Variants in CSMD3 observed in about 807,000 individuals in gnomAD.
CSMD3 encodes the protein CUB and sushi domain-containing protein 3.
In CSMD3, 177 loss-of-function variants were observed where a neutral mutation model predicts 435.2. The observed-to-expected ratio is 0.41, with a 90% CI of 0.36 to 0.46. CSMD3 has a LOEUF of 0.46. Ranked by LOEUF, CSMD3 falls within the 20% of genes least tolerant of loss-of-function variation. The pLI, the probability that CSMD3 is intolerant of heterozygous loss-of-function variation, is 0.34. For synonymous variants in CSMD3, 1,656 were observed against 1,520.5 expected (o/e 1.09, Z -2.07); for missense variants, 4,265 against 4,504.6 (o/e 0.95, Z 1.52).
chr8:112,903,721 C>T (rs559140803), intron 10 of CSMD3, among the ~76,000 whole-genome samples: 10 of 151,350 alleles, frequency 6.6e-5, no homozygotes, highest in South Asian at 2.1e-4. Flanking sequence ...TGAACACAAT[C>T]GTCCTTATTC....
At chr8:112,510,552 C>T (rs1238395058) in intron 28 of CSMD3, among the ~76,000 whole-genome samples, 1 of 152,148 alleles carries the variant, frequency 6.6e-6, no homozygotes, top group African/African-American at 2.4e-5. Flanking sequence ...CCAGAATGGG[C>T]ACTACTTCAT....
rs563254013 is a variant in CSMD3 at position 112,279,523 on chromosome 8, C to T, written c.9508+1651G>A. 2.0e-5 allele frequency among the ~76,000 whole-genome samples: 3 copies of T among 152,224 alleles called. No individual in the cohort carries two copies. The East Asian group carries it at 5.8e-4, about 29-fold the overall frequency. Reference sequence around the variant, plus strand: ...CAATCAGCTTGGTAAAATGGAGCCCCTTGGACCTGTCCTTCTAATTACAAT... The same window carrying T: ...CAATCAGCTTGGTAAAATGGAGCCCTTTGGACCTGTCCTTCTAATTACAAT... On this transcript the variant is annotated intron_variant, in intron 59 of 70. Transcript: ENST00000297405.
intron 5 of CSMD3, among the ~76,000 whole-genome samples, chr8:113,024,018 T>C (rs750410820): frequency 3.9e-5 from 6 of 152,156 alleles, no homozygotes; most frequent in Admixed American, 6.5e-5. Flanking sequence ...ACACTGGTAC[T>C]TATTCTGCCT....
At chr8:112,930,850 C>T (rs889056886) in intron 9 of CSMD3, among the ~76,000 whole-genome samples, 2 of 152,072 alleles carry the variant, frequency 1.3e-5, no homozygotes, top group Non-Finnish European at 2.9e-5. Flanking sequence ...AGATTAAACA[C>T]TGACTACCTA....
At chr8:112,315,307 A>T (rs534204465) in intron 47 of CSMD3, among the ~76,000 whole-genome samples, 40 of 152,068 alleles carry the variant, frequency 2.6e-4, no homozygotes, top group African/African-American at 9.1e-4. Context: ...TTGACAAAAA[A>T]CATAATTATG....
intron 13 of CSMD3, among the ~76,000 whole-genome samples, chr8:112,776,057 G>A (rs1256332410): frequency 6.6e-6 from 1 of 151,740 alleles, no homozygotes; most frequent in African/African-American, 2.4e-5. Flanking sequence ...ACAATTGCAA[G>A]TAAGCCACAT....
At chr8:113,140,325 G>C (rs527622416) in intron 4 of CSMD3, among the ~76,000 whole-genome samples, 1 of 150,714 alleles carries the variant, frequency 6.6e-6, no homozygotes, top group African/African-American at 2.4e-5. Flanking sequence ...AGTTTTAACA[G>C]TACTTTCTCA....
chr8:112,449,378 A>G (rs6999358), intron 32 of CSMD3, among the ~76,000 whole-genome samples: 64,860 of 151,956 alleles, frequency 0.43, 14,821 homozygotes, highest in Middle Eastern at 0.6. Flanking sequence ...ACACCATTTT[A>G]CCGCCAAAAT....
At position 113,048,776 on chromosome 8, in the gene CSMD3, G is replaced by C. The variant is rs912876108; in HGVS notation, c.918-29597C>G. On this transcript the variant is annotated intron_variant, in intron 5 of 70. Transcript: ENST00000297405. Reference sequence around the variant, plus strand: ...TGTCAGTGTTCTTTTCCCTTGTCCTGTGTCTACCTTCATTTTTCACTTTCT... The same window carrying C: ...TGTCAGTGTTCTTTTCCCTTGTCCTCTGTCTACCTTCATTTTTCACTTTCT... Among the ~76,000 whole-genome samples, 5 of 152,052 alleles carry C rather than the reference G, an allele frequency of 3.3e-5. No individual in the cohort carries two copies. In the East Asian group the frequency reaches 9.7e-4, roughly 29 times the overall value.
chr8:113,421,261 A>G (rs1270017602), intron 1 of CSMD3, among the ~76,000 whole-genome samples: 1 of 152,182 alleles, frequency 6.6e-6, no homozygotes, highest in Admixed American at 6.5e-5. Flanking sequence ...GTCCCAAGAT[A>G]ATTGCACTGT....
chr8:112,599,672 T>C (rs890336689), intron 22 of CSMD3, among the ~76,000 whole-genome samples: 8 of 151,270 alleles, frequency 5.3e-5, no homozygotes, highest in Non-Finnish European at 1.0e-4. Flanking sequence ...ATATACACCA[T>C]GGAATACTAT....
chr8:112,568,961 T>C (rs576754818), intron 24 of CSMD3, among the ~76,000 whole-genome samples: 1 of 152,172 alleles, frequency 6.6e-6, no homozygotes, highest in African/African-American at 2.4e-5. Context: ...TCTAACGATA[T>C]ACAGCAGTGA....
intron 13 of CSMD3, among the ~76,000 whole-genome samples, chr8:112,690,561 G>A (rs1017224651): frequency 6.8e-6 from 1 of 147,816 alleles, no homozygotes; most frequent in Non-Finnish European, 1.5e-5. Context: ...TCTGGTACTA[G>A]TTGGTTGAAT....
At chr8:112,509,859 T>A (rs1822917658) in intron 28 of CSMD3, among the ~76,000 whole-genome samples, 1 of 152,220 alleles carries the variant, frequency 6.6e-6, no homozygotes, top group African/African-American at 2.4e-5. Context: ...TCCTACAGAT[T>A]TCTTGGCTGA....
intron 13 of CSMD3, among the ~76,000 whole-genome samples, chr8:112,769,123 T>C (rs763808520): frequency 6.6e-6 from 1 of 151,976 alleles, no homozygotes; most frequent in Non-Finnish European, 1.5e-5. Context: ...TGCTCTAATA[T>C]GGAATGATCT....
intron 13 of CSMD3, among the ~76,000 whole-genome samples, chr8:112,768,578 A>C (rs1037702554): frequency 6.6e-6 from 1 of 151,892 alleles, no homozygotes; most frequent in Non-Finnish European, 1.5e-5. Context: ...TAGTGCACTG[A>C]GTTACATTCT....
intron 4 of CSMD3, among the ~76,000 whole-genome samples, chr8:113,163,072 A>G (rs2131841572): frequency 6.6e-6 from 1 of 152,264 alleles, no homozygotes; most frequent in Admixed American, 6.5e-5. Flanking sequence ...TCATCATTCA[A>G]TAGATATTTG....
chr8:112,600,827 G>A (rs1317245556), intron 22 of CSMD3, among the ~76,000 whole-genome samples: 2 of 151,920 alleles, frequency 1.3e-5, no homozygotes, highest in Non-Finnish European at 1.5e-5. Flanking sequence ...ACAGGCGCCC[G>A]CCACTACGCC....
chr8:112,232,841 G>C (rs1239174221), intron 68 of CSMD3, among the ~76,000 whole-genome samples: 4 of 152,116 alleles, frequency 2.6e-5, no homozygotes, highest in Non-Finnish European at 5.9e-5. Flanking sequence ...TCTGACAAGA[G>C]AAGTACATGC....
Sources: gnomAD v4.1 joint callset for allele counts (sites outside exome capture counted in the v4.1 genomes callset) on GRCh38, gnomAD v4.1.1 for gene constraint, MANE v1.5 for transcripts, NCBI Gene and HGNC (gene_info 2026-07-23, HGNC 2026-07-21) for gene names.